NCKAP5: variants seen among roughly 807,000 people sequenced by gnomAD.
NCKAP5 encodes nck-associated protein 5.
In NCKAP5, 92 loss-of-function variants were observed where a neutral mutation model predicts 167.0. That is an observed-to-expected ratio of 0.55 (90% confidence interval 0.47 to 0.66). The LOEUF is 0.66. NCKAP5 is among the 30% of genes least tolerant of loss of function. The probability of loss-of-function intolerance (pLI) is 0.00; values close to 1 mark genes in which losing one functional copy is unlikely to be tolerated. For synonymous variants in NCKAP5, 891 were observed against 877.4 expected (o/e 1.02, Z -0.27); for missense variants, 2,378 against 2,315.0 (o/e 1.03, Z -0.56).
intron 4 of NCKAP5, among the ~76,000 whole-genome samples, chr2:133,246,008 A>T (rs2087970083): frequency 6.6e-6 from 1 of 152,108 alleles, no homozygotes; most frequent in African/African-American, 2.4e-5. Context: ...GTGGGGATTG[A>T]GAAAGAATCA....
At chr2:132,959,676 G>C (rs1468147405) in intron 8 of NCKAP5, among the ~76,000 whole-genome samples, 1 of 152,204 alleles carries the variant, frequency 6.6e-6, no homozygotes, top group Admixed American at 6.5e-5. Flanking sequence ...GAAGACTCCA[G>C]ATGAAGCCAG....
chr2:133,300,142 T>C (rs1160865555), intron 4 of NCKAP5, among the ~76,000 whole-genome samples: 1 of 124,490 alleles, frequency 8.0e-6, no homozygotes, highest in Non-Finnish European at 1.6e-5. Flanking sequence ...ATCAATAGTT[T>C]ACCAACCAAA....
intron 3 of NCKAP5, among the ~76,000 whole-genome samples, chr2:133,304,398 G>A (rs112805447): frequency 2.0e-5 from 3 of 152,284 alleles, no homozygotes; most frequent in South Asian, 2.1e-4. Context: ...CTGTAATTCT[G>A]TTATAGATAA....
chr2:132,952,723 T>C (rs2076225029), intron 8 of NCKAP5, among the ~76,000 whole-genome samples: 1 of 152,174 alleles, frequency 6.6e-6, no homozygotes, highest in South Asian at 2.1e-4. Context: ...CGAGCACTGA[T>C]CAAAGGCTTT....
At chr2:133,562,505 A>T (rs1688232743) in intron 1 of NCKAP5, among the ~76,000 whole-genome samples, 1 of 152,186 alleles carries the variant, frequency 6.6e-6, no homozygotes, top group South Asian at 2.1e-4. Context: ...AGTTGCCTTT[A>T]TGGAGCGGTT....
chr2:133,296,245 C>T (rs114675656), intron 4 of NCKAP5, among the ~76,000 whole-genome samples: 1,645 of 152,222 alleles, frequency 0.011, 19 homozygotes, highest in Middle Eastern at 0.02. Flanking sequence ...GGTCTTGCAG[C>T]CCCCACCCAG....
chr2:133,519,954 G>A (rs1031808474), intron 2 of NCKAP5, among the ~76,000 whole-genome samples: 30 of 152,114 alleles, frequency 2.0e-4, no homozygotes, highest in African/African-American at 7.0e-4. Flanking sequence ...TTGGGAGACT[G>A]AGGCAGGCGG....
chr2:133,189,189 A>T (rs1339923048), intron 5 of NCKAP5, among the ~76,000 whole-genome samples: 1 of 152,170 alleles, frequency 6.6e-6, no homozygotes, highest in Non-Finnish European at 1.5e-5. Flanking sequence ...TCTAGAAGAA[A>T]TGGATAAATT....
At chr2:133,241,298 T>C (rs959359045) in intron 4 of NCKAP5, among the ~76,000 whole-genome samples, 1 of 152,202 alleles carries the variant, frequency 6.6e-6, no homozygotes, top group Non-Finnish European at 1.5e-5. Flanking sequence ...CAGTAATAAA[T>C]ACAAATTCTT....
chr2:133,156,984 C>T (rs2083599208), intron 5 of NCKAP5, among the ~76,000 whole-genome samples: 1 of 152,136 alleles, frequency 6.6e-6, no homozygotes, highest in South Asian at 2.1e-4. Context: ...CTGAATATTT[C>T]CAACTCTGTA....
chr2:132,925,923 C>G (rs1044182690), intron 8 of NCKAP5, among the ~76,000 whole-genome samples: 8 of 152,164 alleles, frequency 5.3e-5, no homozygotes, highest in African/African-American at 1.9e-4. Flanking sequence ...GGTACAAGTG[C>G]AGTTGTGTTA....
At chr2:133,309,206 TTC>T (rs1681056526) in intron 3 of NCKAP5, among the ~76,000 whole-genome samples, 1 of 152,160 alleles carries the variant, frequency 6.6e-6, no homozygotes, top group Non-Finnish European at 1.5e-5. Context: ...TGTAAATTTT[TTC>T]TTTGTCTATA....
At chr2:132,835,772 T>C (rs1687848148) in intron 11 of NCKAP5, among the ~76,000 whole-genome samples, 1 of 152,144 alleles carries the variant, frequency 6.6e-6, no homozygotes, top group African/African-American at 2.4e-5. Context: ...CCAAGTAAAA[T>C]ATATAAAATT....
intron 5 of NCKAP5, among the ~76,000 whole-genome samples, chr2:133,168,217 G>A (rs909113598): frequency 2.0e-5 from 3 of 151,554 alleles, no homozygotes; most frequent in East Asian, 1.9e-4. Flanking sequence ...ACTACCTTAC[G>A]AATCCACATT....
intron 6 of NCKAP5, among the ~76,000 whole-genome samples, chr2:133,049,830 C>T (rs550977261): frequency 3.3e-5 from 5 of 152,248 alleles, no homozygotes; most frequent in African/African-American, 1.2e-4. Context: ...GCCAAGGAAG[C>T]CTTACCATGA....
upstream of NCKAP5, chr2:133,568,569 G>C (rs1688730937): frequency 6.6e-6 from 1 of 152,168 alleles, no homozygotes; most frequent in South Asian, 2.1e-4. Context: ...AGGAGGGGGT[G>C]GGGAGGAAGA....
chr2:132,726,071 C>T (rs1690432939), intron 18 of NCKAP5, among the ~76,000 whole-genome samples: 1 of 152,288 alleles, frequency 6.6e-6, no homozygotes, highest in African/African-American at 2.4e-5. Context: ...GCATTTTGTA[C>T]ACTTCTTTAT....
intron 1 of NCKAP5, among the ~76,000 whole-genome samples, chr2:133,565,196 G>A (rs1239416272): frequency 6.6e-6 from 1 of 152,178 alleles, no homozygotes. Context: ...AGCAGCTCCT[G>A]GTAGCTAGGC....
chr2:133,572,792 G>T (rs1484618184), upstream of NCKAP5, among the ~76,000 whole-genome samples: 1 of 152,166 alleles, frequency 6.6e-6, no homozygotes, highest in Non-Finnish European at 1.5e-5. Flanking sequence ...AAACTGGCAT[G>T]GTGTTGAGAG....
Sources: allele counts gnomAD v4.1 joint callset (sites outside exome capture counted in the v4.1 genomes callset), GRCh38; gene constraint gnomAD v4.1.1; transcripts MANE v1.5; gene names NCBI Gene and HGNC (gene_info 2026-07-23, HGNC 2026-07-21).